The following RBFOX1 variants were observed in gnomAD, a reference collection of about 807,000 sequenced individuals.
The protein encoded by RBFOX1 is RNA binding fox-1 homolog 1.
A neutral mutation model predicts 57.7 loss-of-function variants in RBFOX1; 8 were observed. That is an observed-to-expected ratio of 0.14 (90% confidence interval 0.08 to 0.25). The LOEUF is 0.25. RBFOX1 is among the 10% of genes least tolerant of loss of function. RBFOX1 has a pLI of 1.00. For synonymous variants in RBFOX1, 326 were observed against 222.4 expected (o/e 1.47, Z -4.15); for missense variants, 611 against 548.5 (o/e 1.11, Z -1.14).
At chr16:5,309,548 C>G (rs1283203996) in intron 1 of RBFOX1, among the ~76,000 whole-genome samples, 1 of 152,008 alleles carries the variant, frequency 6.6e-6, no homozygotes, top group African/African-American at 2.4e-5. Context: ...GTACAAGTGC[C>G]ATTTTGTTAC....
At chr16:6,989,867 A>T (rs1412031086) in intron 3 of RBFOX1, among the ~76,000 whole-genome samples, 1 of 151,870 alleles carries the variant, frequency 6.6e-6, no homozygotes, top group Non-Finnish European at 1.5e-5. Context: ...AGGCCTGGTG[A>T]TGGGCACCGT....
chr16:6,725,553 C>G (rs1289954132), intron 3 of RBFOX1, among the ~76,000 whole-genome samples: 1 of 152,078 alleles, frequency 6.6e-6, no homozygotes, highest in Non-Finnish European at 1.5e-5. Flanking sequence ...ATAATCCACC[C>G]CCTGTTTAGC....
rs538376216 is a variant in RBFOX1, at chr16:6,362,185, C to A, written c.-64+45128C>A. Among the ~76,000 whole-genome samples, 34 of 152,038 alleles carry A rather than the reference C, an allele frequency of 2.2e-4. No individual in the cohort carries two copies. The East Asian group carries it at 3.3e-3, about 15-fold the overall frequency. On this transcript the variant is annotated intron_variant, in intron 2 of 15. Coordinates refer to ENST00000550418, the MANE Select transcript of RBFOX1 (RefSeq NM_018723.4). ...AAGTCCTGCCCACCCCACGCCCCCCCAAAAAACAAAATTAAATTACTAAAA... is the reference window on the plus strand; with the variant it reads ...AAGTCCTGCCCACCCCACGCCCCCCAAAAAAACAAAATTAAATTACTAAAA...
intron 4 of RBFOX1, among the ~76,000 whole-genome samples, chr16:7,221,834 G>C (rs2092754139): frequency 1.3e-5 from 2 of 152,212 alleles, no homozygotes; most frequent in African/African-American, 4.8e-5. Context: ...GGCCTGAAAA[G>C]TTGATTTCCC....
intron 5 of RBFOX1, chr16:7,519,793 T>A: frequency 1.2e-6 from 1 of 860,426 alleles, no homozygotes; most frequent in Non-Finnish European, 1.4e-6. Flanking sequence ...CTTTGAAGCA[T>A]GATACATTTC....
intron 4 of RBFOX1, among the ~76,000 whole-genome samples, chr16:7,146,085 A>T (rs894178543): frequency 2.6e-5 from 4 of 152,206 alleles, no homozygotes; most frequent in Non-Finnish European, 5.9e-5. Context: ...GGGGGCAAGA[A>T]TGAATTTTAA....
At chr16:5,855,934 T>A (rs2151874259) in intron 3 of RBFOX1, among the ~76,000 whole-genome samples, 1 of 149,904 alleles carries the variant, frequency 6.7e-6, no homozygotes, top group African/African-American at 2.4e-5. Context: ...AATGTACACG[T>A]CTTTCAACTC....
At chr16:6,121,581 C>G (rs949830007) in intron 1 of RBFOX1, among the ~76,000 whole-genome samples, 2 of 152,184 alleles carry the variant, frequency 1.3e-5, no homozygotes, top group African/African-American at 4.8e-5. Flanking sequence ...TACACTGTGC[C>G]TGCCTTGTCT....
At chr16:7,166,902 C>T (rs2079620149) in intron 4 of RBFOX1, among the ~76,000 whole-genome samples, 2 of 147,104 alleles carry the variant, frequency 1.4e-5, no homozygotes, top group Non-Finnish European at 3.0e-5. Context: ...AGTAGCCTTG[C>T]TCTCATTTGA....
chr16:7,666,273 A>G (rs1481966603), intron 13 of RBFOX1, among the ~76,000 whole-genome samples: 1 of 152,162 alleles, frequency 6.6e-6, no homozygotes, highest in East Asian at 1.9e-4. Context: ...CCAGAATGGT[A>G]GTTGGCATCG....
At chr16:6,910,672 G>A (rs11077108) in intron 3 of RBFOX1, among the ~76,000 whole-genome samples, 114,541 of 152,132 alleles carry the variant, frequency 0.75, 43,297 homozygotes, top group East Asian at 0.89. Context: ...TACGAGGCTC[G>A]TGGCCCTTCT....
chr16:7,220,567 C>G (rs2092647924), intron 4 of RBFOX1, among the ~76,000 whole-genome samples: 1 of 152,260 alleles, frequency 6.6e-6, no homozygotes, highest in South Asian at 2.1e-4. Context: ...AGGTGTGGCT[C>G]TTGGAAACGA....
chr16:6,034,174 A>C (rs1452354224), intron 1 of RBFOX1, among the ~76,000 whole-genome samples: 1 of 151,718 alleles, frequency 6.6e-6, no homozygotes, highest in Non-Finnish European at 1.5e-5. Context: ...GTCTCTACTA[A>C]AAATACAAAA....
At chr16:6,246,494 G>A (rs1598770415) in intron 1 of RBFOX1, among the ~76,000 whole-genome samples, 1 of 152,116 alleles carries the variant, frequency 6.6e-6, no homozygotes, top group African/African-American at 2.4e-5. Flanking sequence ...TTGGCTTTGA[G>A]CTCACCCATC....
rs193201260 is a variant in RBFOX1 at position 7,108,239 on chromosome 16, G to T, written c.27+56141G>T. Among the ~76,000 whole-genome samples the T allele has an allele frequency of 8.7e-4, 133 of 152,200 alleles. 2 individuals carry two copies. The highest frequency in any genetic ancestry group is 7.1e-3 in the Admixed American group (109 of 15,284). On this transcript the variant is annotated intron_variant, in intron 4 of 15. Coordinates refer to ENST00000550418, the MANE Select transcript of RBFOX1 (RefSeq NM_018723.4). ...ATCAGCTCTGGAATCAGAAGCACTGGGGAGAAGGATTAATGGGGAACTGGT... is the reference window on the plus strand; with the variant it reads ...ATCAGCTCTGGAATCAGAAGCACTGTGGAGAAGGATTAATGGGGAACTGGT...
intron 4 of RBFOX1, among the ~76,000 whole-genome samples, chr16:5,959,350 G>T (rs896397142): frequency 1.3e-5 from 2 of 152,144 alleles, no homozygotes; most frequent in Non-Finnish European, 2.9e-5. Context: ...TGTCTGTCTG[G>T]AGAGATTTCT....
intron 4 of RBFOX1, among the ~76,000 whole-genome samples, chr16:7,449,483 C>G (rs1288205057): frequency 6.6e-6 from 1 of 152,054 alleles, no homozygotes; most frequent in African/African-American, 2.4e-5. Flanking sequence ...CTAACGCGCC[C>G]CTTGCCAACA....
chr16:6,286,712 C>G (rs993130428), intron 1 of RBFOX1, among the ~76,000 whole-genome samples: 1 of 152,138 alleles, frequency 6.6e-6, no homozygotes, highest in African/African-American at 2.4e-5. Flanking sequence ...TCCAACATTG[C>G]TCTAAAACAG....
chr16:6,569,588 T>C (rs529145309), intron 2 of RBFOX1, among the ~76,000 whole-genome samples: 2 of 152,238 alleles, frequency 1.3e-5, no homozygotes, highest in Non-Finnish European at 2.9e-5. Context: ...GGTTAAATAG[T>C]TGCGACGTGG....
Sources: allele counts gnomAD v4.1 joint callset (sites outside exome capture counted in the v4.1 genomes callset), GRCh38; gene constraint gnomAD v4.1.1; transcripts MANE v1.5; gene names NCBI Gene and HGNC (gene_info 2026-07-23, HGNC 2026-07-21).